The following IFT57 variants were observed in gnomAD, a reference collection of about 807,000 sequenced individuals.
IFT57 encodes intraflagellar transport 57, also known as intraflagellar transport protein 57 homolog.
In IFT57, 59 loss-of-function variants were observed where a neutral mutation model predicts 56.8. The observed-to-expected ratio is 1.04, with a 90% CI of 0.84 to 1.29. The LOEUF is 1.29. Ranked by LOEUF, IFT57 falls within the 50% of genes most tolerant of loss-of-function variation. IFT57 has a pLI of 0.00. For synonymous variants in IFT57, 209 were observed against 186.1 expected, an observed-to-expected ratio of 1.12 and a Z score of -1.00; for missense variants, 470 against 522.1, an observed-to-expected ratio of 0.90 and a Z score of 0.97.
At chr3:108,181,937 A>G (rs548765237) in intron 6 of IFT57, among the ~76,000 whole-genome samples, 3 of 152,182 alleles carry the variant, frequency 2.0e-5, no homozygotes, top group South Asian at 2.1e-4. Context: ...TGTAAGAATT[A>G]TAACTGTAGT....
chr3:108,189,998 T>C (rs1029935391), intron 6 of IFT57, among the ~76,000 whole-genome samples: 1 of 151,996 alleles, frequency 6.6e-6, no homozygotes, highest in African/African-American at 2.4e-5. Context: ...AGAGGAGTGG[T>C]TGGTCTTGCT....
chr3:108,180,179 C>T (rs1318016313), intron 6 of IFT57, among the ~76,000 whole-genome samples: 3 of 151,978 alleles, frequency 2.0e-5, no homozygotes, highest in South Asian at 2.1e-4. Flanking sequence ...ATTTCTAACA[C>T]GCTCGAAGGC....
rs910546964 is a variant in IFT57 at position 108,161,700 on chromosome 3, A to T, written c.*777T>A. On this transcript the variant is annotated 3_prime_UTR_variant, in exon 11 of 11. Coordinates refer to ENST00000264538, the MANE Select transcript of IFT57 (RefSeq NM_018010.4). ...CATAAGTAAAGATCATCAGTACTAG[A>T]GGCTGATCTTCATGCGACCTGTCAT... is the stretch of plus-strand genomic sequence containing the variant. 3 of 152,146 alleles carry T rather than the reference A, an allele frequency of 2.0e-5. No homozygotes were observed. The highest frequency in any genetic ancestry group is 7.2e-5 in the African/African-American group (3 of 41,432). The allele number at this position is 152,146 out of a possible 1,614,324, so 9.4% of individuals were successfully genotyped here.
At chr3:108,169,285 GTCT>G (rs1464983805) in intron 6 of IFT57, among the ~76,000 whole-genome samples, 2 of 151,780 alleles carry the variant, frequency 1.3e-5, no homozygotes, top group South Asian at 2.1e-4. Flanking sequence ...CCACATAAAT[GTCT>G]TCTTCTGAGA....
intron 4 of IFT57, among the ~76,000 whole-genome samples, chr3:108,213,309 C>T (rs1024425025): frequency 2.0e-5 from 3 of 151,954 alleles, no homozygotes; most frequent in African/African-American, 7.2e-5. Flanking sequence ...TTTTTTCCCC[C>T]AACCATTTCT....
chr3:108,186,812 G>A (rs965683253), intron 6 of IFT57, among the ~76,000 whole-genome samples: 4 of 151,832 alleles, frequency 2.6e-5, no homozygotes, highest in African/African-American at 9.7e-5. Flanking sequence ...CCTTCTTAAT[G>A]GGAAGACAAT....
In IFT57 at chr3:108,161,582, T is replaced by C. The variant is rs2080032382; in HGVS notation, c.*895A>G. On this transcript the variant is annotated 3_prime_UTR_variant, in exon 11 of 11. Coordinates refer to ENST00000264538, the MANE Select transcript of IFT57 (RefSeq NM_018010.4). ...GGCTGTCTCCTGCTTTGTGTTCCCCTGGCCAGTTTTCCCCAGTGCTAATTC... is the reference window on the plus strand; with the variant it reads ...GGCTGTCTCCTGCTTTGTGTTCCCCCGGCCAGTTTTCCCCAGTGCTAATTC... 1 of 152,078 alleles carries C rather than the reference T, an allele frequency of 6.6e-6. No homozygotes were observed. The highest frequency in any genetic ancestry group is 1.5e-5 in the Non-Finnish European group (1 of 68,020). 9.4% of individuals were successfully genotyped at this position (152,078 alleles called of 1,614,324 possible). A position where few individuals can be genotyped will look rare whatever the true frequency, so the allele number is the denominator to read the frequency against.
intron 3 of IFT57, among the ~76,000 whole-genome samples, chr3:108,217,096 G>A (rs967991673): frequency 2.0e-5 from 3 of 151,982 alleles, no homozygotes; most frequent in Admixed American, 6.6e-5. Flanking sequence ...ATAGAGATTT[G>A]GAATTTTCTT....
At chr3:108,213,521 T>C (rs1036254124) in intron 4 of IFT57, among the ~76,000 whole-genome samples, 2 of 152,210 alleles carry the variant, frequency 1.3e-5, no homozygotes, top group African/African-American at 2.4e-5. Context: ...AAATTCCTAC[T>C]CATCCTAATT....
At chr3:108,163,443 T>C (rs986558932) in intron 10 of IFT57, among the ~76,000 whole-genome samples, 4 of 152,160 alleles carry the variant, frequency 2.6e-5, no homozygotes, top group African/African-American at 9.7e-5. Context: ...ATAGTTTGAA[T>C]GTTAAAAACC....
rs953833127 is a variant in IFT57 at position 108,167,589 on chromosome 3, C to CAT, written c.849+202_849+203dup. On this transcript the variant is annotated intron_variant, in intron 7 of 10. Coordinates refer to ENST00000264538, the MANE Select transcript of IFT57 (RefSeq NM_018010.4). The stretch of plus-strand genomic sequence containing the variant: ...TATACATATATATCTTATATATATA[C>CAT]ATATATATAGCTTTTATTAATATGT... Among the ~76,000 whole-genome samples the CAT allele has an allele frequency of 2.7e-5, 4 of 149,208 alleles. No individual in the cohort carries two copies. In the East Asian group the frequency reaches 5.9e-4, roughly 22 times the overall value.
intron 5 of IFT57, among the ~76,000 whole-genome samples, chr3:108,196,357 T>C (rs1339656466): frequency 6.6e-6 from 1 of 152,062 alleles, no homozygotes; most frequent in Admixed American, 6.6e-5. Context: ...ACTACCACTT[T>C]CTTCAGGCCT....
intron 1 of IFT57, among the ~76,000 whole-genome samples, chr3:108,221,233 C>A (rs1312517184): frequency 6.6e-6 from 1 of 152,176 alleles, no homozygotes; most frequent in Non-Finnish European, 1.5e-5. Context: ...TGGCTGTAGA[C>A]ATTAAGTACT....
At chr3:108,219,840 A>T (rs1243210213) in intron 1 of IFT57, among the ~76,000 whole-genome samples, 1 of 152,256 alleles carries the variant, frequency 6.6e-6, no homozygotes, top group Non-Finnish European at 1.5e-5. Flanking sequence ...TGCATGTTAG[A>T]GCACAGAGCA....
intron 4 of IFT57, among the ~76,000 whole-genome samples, chr3:108,213,410 G>C (rs757372475): frequency 6.6e-6 from 1 of 152,018 alleles, no homozygotes; most frequent in Non-Finnish European, 1.5e-5. Context: ...TTTTGTCTCT[G>C]TCATCTTTAG....
intron 5 of IFT57, among the ~76,000 whole-genome samples, chr3:108,197,967 A>G (rs2080252522): frequency 6.6e-6 from 1 of 152,220 alleles, no homozygotes; most frequent in African/African-American, 2.4e-5. Context: ...TGTATAATAC[A>G]TATTAACCCC....
At chr3:108,215,926 T>C (rs928199775) in intron 3 of IFT57, among the ~76,000 whole-genome samples, 6 of 152,052 alleles carry the variant, frequency 3.9e-5, no homozygotes, top group African/African-American at 1.4e-4. Context: ...AAACTGGATA[T>C]CCACATGCAA....
At chr3:108,193,717 T>A (rs1182234295) in intron 5 of IFT57, among the ~76,000 whole-genome samples, 1 of 152,174 alleles carries the variant, frequency 6.6e-6, no homozygotes, top group Non-Finnish European at 1.5e-5. Context: ...TACATGAGAA[T>A]GTGTACTATG....
intron 9 of IFT57, among the ~76,000 whole-genome samples, chr3:108,163,957 T>C (rs1220535670): frequency 1.3e-5 from 2 of 152,078 alleles, no homozygotes; most frequent in African/African-American, 2.4e-5. Context: ...GGCTGTCACA[T>C]CTGTTTTCTC....
Sources: allele counts gnomAD v4.1 joint callset (sites outside exome capture counted in the v4.1 genomes callset), GRCh38; gene constraint gnomAD v4.1.1; transcripts MANE v1.5; gene names NCBI Gene and HGNC (gene_info 2026-07-23, HGNC 2026-07-21).